The following SRGAP2 variants were observed in gnomAD, a reference collection of about 807,000 sequenced individuals.
SRGAP2 encodes the protein SLIT-ROBO Rho GTPase activating protein 2, also known as SLIT-ROBO Rho GTPase-activating protein 2.
In SRGAP2, 15 loss-of-function variants were observed where a neutral mutation model predicts 57.2. That is an observed-to-expected ratio of 0.26 (90% CI 0.18 to 0.40). SRGAP2 has a LOEUF of 0.40. SRGAP2 is among the 10% of genes least tolerant of loss of function. The pLI, the probability that SRGAP2 is intolerant of heterozygous loss-of-function variation, is 1.00. For missense variants in SRGAP2, 520 were observed against 669.6 expected (o/e 0.78, Z 2.47); for synonymous variants, 249 against 248.0 (o/e 1.00, Z -0.04).
chr1:206,314,105 GTT>G (rs797022788), intron 3 of SRGAP2, among the ~76,000 whole-genome samples: 7 of 138,574 alleles, frequency 5.1e-5, no homozygotes, highest in Middle Eastern at 3.8e-3. Flanking sequence ...TGTTTTTTTT[GTT>G]TTTTTTTTTT....
At chr1:206,263,773 A>G (rs1394332630) in intron 2 of SRGAP2, among the ~76,000 whole-genome samples, 1 of 152,252 alleles carries the variant, frequency 6.6e-6, no homozygotes, top group Non-Finnish European at 1.5e-5. Flanking sequence ...TGAGGGAGAC[A>G]TAATAAATAA....
intron 3 of SRGAP2, among the ~76,000 whole-genome samples, chr1:206,326,842 G>A (rs1164734890): frequency 5.3e-5 from 8 of 152,238 alleles, no homozygotes; most frequent in Non-Finnish European, 7.3e-5. Context: ...AATTTCCAGA[G>A]AATCAGATGA....
intron 2 of SRGAP2, among the ~76,000 whole-genome samples, chr1:206,250,259 G>C (rs1571676413): frequency 1.3e-5 from 2 of 152,086 alleles, no homozygotes; most frequent in East Asian, 3.9e-4. Flanking sequence ...AGAGCCTAGA[G>C]AAAGTAAGTG....
At chr1:206,443,061 T>C (rs1553372639) in intron 17 of SRGAP2, among the ~76,000 whole-genome samples, 1 of 152,180 alleles carries the variant, frequency 6.6e-6, no homozygotes, top group African/African-American at 2.4e-5. Flanking sequence ...TAATTGCATA[T>C]CATTAAAAAG....
At chr1:206,415,587 G>A (rs545496738) in intron 10 of SRGAP2, among the ~76,000 whole-genome samples, 2 of 152,276 alleles carry the variant, frequency 1.3e-5, no homozygotes, top group South Asian at 4.1e-4. Context: ...GGCTCAATAA[G>A]TTCATCTACC....
rs1654776173 is a variant in SRGAP2 at position 206,372,973 on chromosome 1, CTTTCTTTCTTTCTTTCTTTCTTT to C, written c.424-11040_424-11018del. Among the ~76,000 whole-genome samples, 70 of 31,200 alleles carry C rather than the reference CTTTCTTTCTTTCTTTCTTTCTTT, an allele frequency of 2.2e-3. 3 individuals are homozygous for C. The highest frequency in any genetic ancestry group is 8.8e-3 in the African/African-American group (68 of 7,700). 20.5% of individuals were successfully genotyped at this position (31,200 alleles called of 152,430 possible). A position where few individuals can be genotyped will look rare whatever the true frequency, so the allele number is the denominator to read the frequency against. ...TTTCTTTCTTTTCTTTCCTTTCTTTCTTTCTTTCTTTCTTTCTTTCTTTCTTTCTTTCTTTCTTTCTTTCTTTC... is the reference window on the plus strand; with the variant it reads ...TTTCTTTCTTTTCTTTCCTTTCTTTCCTTTCTTTCTTTCTTTCTTTCTTTC... On this transcript the variant is annotated intron_variant, in intron 4 of 22. Transcript: ENST00000573034.
chr1:206,225,335 T>G (rs1667213744), intron 2 of SRGAP2, among the ~76,000 whole-genome samples: 1 of 150,294 alleles, frequency 6.7e-6, no homozygotes. Flanking sequence ...AATCAAGAGA[T>G]ACCACTAAGA....
intron 3 of SRGAP2, among the ~76,000 whole-genome samples, chr1:206,339,140 T>G (rs1674985058): frequency 6.7e-6 from 1 of 150,020 alleles, no homozygotes; most frequent in Non-Finnish European, 1.5e-5. Flanking sequence ...GTTTTAAAGT[T>G]GAGTCACTAT....
intron 2 of SRGAP2, 81 bp from the exon 3 acceptor site, chr1:206,303,200 T>C (rs1671976457): frequency 8.6e-6 from 7 of 813,258 alleles, no homozygotes; most frequent in Non-Finnish European, 1.3e-5. Context: ...AATAAGTAAG[T>C]GGAAGGTGGG....
At chr1:206,455,461 G>A in intron 21 of SRGAP2, 1 of 217,160 alleles carries the variant, frequency 4.6e-6, no homozygotes, top group Non-Finnish European at 9.3e-6. Context: ...AAGATTCAGA[G>A]TCTGTGTGTG....
rs1352901870 is a variant in SRGAP2 at position 206,359,802 on chromosome 1, T to C, written c.423+16794T>C. 8.9e-3 allele frequency among the ~76,000 whole-genome samples: 1,015 copies of C among 114,190 alleles called. 26 individuals carry two copies. Among genetic ancestry groups the C allele is most frequent in the African/African-American group, 0.038 (968 of 25,638 alleles). The allele number at this position is 114,190 out of a possible 152,430, so 74.9% of individuals were successfully genotyped here. A position where few individuals can be genotyped will look rare whatever the true frequency, so the allele number is the denominator to read the frequency against. ...TGGGGTACAAGGGATATTGCTCTTT[T>C]TTTTTTTTTTTTTTTTTTTTTTGAG... is the stretch of plus-strand genomic sequence containing the variant. On this transcript the variant is annotated intron_variant, in intron 4 of 22. Transcript: ENST00000573034.
At chr1:206,359,798 C>CTTTTTTTTTTTTTTTTTT (rs1166916482) in intron 4 of SRGAP2, among the ~76,000 whole-genome samples, 2 of 70,210 alleles carry the variant, frequency 2.8e-5, no homozygotes, top group African/African-American at 1.2e-4. Flanking sequence ...GGATATTGCT[C>CTTTTTTTTTTTTTTTTTT]TTTTTTTTTT....
At chr1:206,231,681 G>A (rs1156448977) in intron 2 of SRGAP2, among the ~76,000 whole-genome samples, 1 of 148,098 alleles carries the variant, frequency 6.8e-6, no homozygotes, top group Non-Finnish European at 1.5e-5. Flanking sequence ...GGGATTACAA[G>A]CGTGTGTCAC....
chr1:206,428,289 T>C (rs1186586687), intron 13 of SRGAP2, among the ~76,000 whole-genome samples: 1 of 150,304 alleles, frequency 6.7e-6, no homozygotes, highest in Non-Finnish European at 1.5e-5. Context: ...TAGTGGCAGG[T>C]GCCTGTATTC....
intron 4 of SRGAP2, among the ~76,000 whole-genome samples, chr1:206,355,793 C>A (rs1378526686): frequency 6.6e-6 from 1 of 152,002 alleles, no homozygotes; most frequent in Admixed American, 6.6e-5. Flanking sequence ...ATGCTGAAAC[C>A]CTGTCTCTAC....
At chr1:206,451,932 T>G (rs1438288994) in intron 19 of SRGAP2, among the ~76,000 whole-genome samples, 1 of 152,184 alleles carries the variant, frequency 6.6e-6, no homozygotes, top group Non-Finnish European at 1.5e-5. Context: ...GCTAGGGCCA[T>G]CTAGGCATGG....
At chr1:206,262,815 A>G (rs1669643657) in intron 2 of SRGAP2, among the ~76,000 whole-genome samples, 1 of 134,240 alleles carries the variant, frequency 7.4e-6, no homozygotes, top group Admixed American at 7.5e-5. Context: ...GTTCGCATGT[A>G]TTACTTTGGT....
At chr1:206,421,734 A>G (rs1163028916) in intron 13 of SRGAP2, among the ~76,000 whole-genome samples, 2 of 152,212 alleles carry the variant, frequency 1.3e-5, no homozygotes, top group African/African-American at 4.8e-5. Context: ...AGACATGCTA[A>G]CAATGAGAAG....
chr1:206,440,729 T>A (rs534172625), intron 17 of SRGAP2, among the ~76,000 whole-genome samples: 1 of 152,262 alleles, frequency 6.6e-6, no homozygotes, highest in East Asian at 1.9e-4. Flanking sequence ...GTATTTTTAG[T>A]AGACATGGGG....
Sources: allele counts gnomAD v4.1 joint callset (sites outside exome capture counted in the v4.1 genomes callset), GRCh38; gene constraint gnomAD v4.1.1; transcripts MANE v1.5; gene names NCBI Gene and HGNC (gene_info 2026-07-23, HGNC 2026-07-21).